SHROOM4: variants seen among roughly 807,000 people sequenced by gnomAD.
The protein encoded by SHROOM4 is shroom family member 4.
A neutral mutation model predicts 80.3 loss-of-function variants in SHROOM4; 17 were observed. The observed-to-expected ratio is 0.21, with a 90% CI of 0.14 to 0.32. The LOEUF is 0.32. Ranked by LOEUF, SHROOM4 falls within the 10% of genes least tolerant of loss-of-function variation. The probability of loss-of-function intolerance (pLI) is 1.00; values close to 1 mark genes in which losing one functional copy is unlikely to be tolerated. For missense variants in SHROOM4, 993 were observed against 1,140.3 expected, an observed-to-expected ratio of 0.87 and a Z score of 1.86; for synonymous variants, 400 against 437.5, an observed-to-expected ratio of 0.91 and a Z score of 1.07.
intron 1 of SHROOM4, among the ~76,000 whole-genome samples, chrX:50,707,323 G>T (rs782487411): frequency 8.9e-6 from 1 of 112,296 alleles, no homozygotes; most frequent in African/African-American, 3.2e-5. Context: ...TATACCTTTT[G>T]TGAGGCTTTT....
At chrX:50,631,035 T>C (rs1276931362) in intron 4 of SHROOM4, among the ~76,000 whole-genome samples, 16 of 103,816 alleles carry the variant, frequency 1.5e-4, no homozygotes, top group Non-Finnish European at 3.1e-4. Flanking sequence ...ACTCATTTTT[T>C]AAGGCTAGCA....
At chrX:50,585,970 CATA>C (rs782346671), downstream of SHROOM4, among the ~76,000 whole-genome samples, 6 of 111,489 alleles carry the variant, frequency 5.4e-5, no homozygotes, top group Non-Finnish European at 7.5e-5. Context: ...GTTCTAAATG[CATA>C]ATATTATCTA....
intron 1 of SHROOM4, among the ~76,000 whole-genome samples, chrX:50,733,060 A>G (rs1260646055): frequency 8.9e-6 from 1 of 112,338 alleles, no homozygotes; most frequent in Non-Finnish European, 1.9e-5. Context: ...AAAGAATTAT[A>G]AAACATGGCA....
chrX:50,677,968 G>A (rs1932875515), intron 2 of SHROOM4, among the ~76,000 whole-genome samples: 1 of 111,277 alleles, frequency 9.0e-6, no homozygotes, highest in Admixed American at 9.6e-5. Flanking sequence ...TCATTCAAAA[G>A]GGGAAAAACA....
chrX:50,747,973 G>A (rs781841734), intron 1 of SHROOM4, among the ~76,000 whole-genome samples: 57 of 111,625 alleles, frequency 5.1e-4, no homozygotes, highest in African/African-American at 1.8e-3. Context: ...TGAATTGAAC[G>A]CAGATCTGGT....
chrX:50,585,750 A>G (rs1928746768), downstream of SHROOM4, among the ~76,000 whole-genome samples: 1 of 111,800 alleles, frequency 8.9e-6, no homozygotes, highest in Admixed American at 9.5e-5. Context: ...GTCCAGGTCT[A>G]AGGGTTTTGA....
At chrX:50,723,337 A>G (rs868937374) in intron 1 of SHROOM4, among the ~76,000 whole-genome samples, 144 of 27,105 alleles carry the variant, frequency 5.3e-3, no homozygotes, top group African/African-American at 0.023. Flanking sequence ...GAGGGGGAGG[A>G]GGGGGAGAGG....
chrX:50,813,182 G>GGCGGCGGCGGCAGCGGCGGCA (rs1342056702), intron 1 of SHROOM4, among the ~76,000 whole-genome samples: 1 of 109,832 alleles, frequency 9.1e-6, no homozygotes, highest in African/African-American at 3.3e-5. Flanking sequence ...CGGCGGCGGC[G>GGCGGCGGCGGCAGCGGCGGCA]GCGGCAGCGG....
At chrX:50,655,343 C>T (rs1178309628) in intron 2 of SHROOM4, among the ~76,000 whole-genome samples, 1 of 109,221 alleles carries the variant, frequency 9.2e-6, no homozygotes, top group Non-Finnish European at 1.9e-5. Context: ...AGCTTTTTTA[C>T]ATTTCACATA....
rs1557260438 is a variant in SHROOM4, at chrX:50,667,591, T to C, written c.269+28195A>G. On this transcript the variant is annotated intron_variant, in intron 2 of 8. Coordinates refer to ENST00000376020, the MANE Select transcript of SHROOM4 (RefSeq NM_020717.5). ...TCTCAGCTGACTGCCTCTGATACCATTCATTAGGAGAAAATATTTGCAAAA... is the reference window on the plus strand; with the variant it reads ...TCTCAGCTGACTGCCTCTGATACCACTCATTAGGAGAAAATATTTGCAAAA... 3.6e-5 allele frequency among the ~76,000 whole-genome samples: 4 copies of C among 111,375 alleles called. No individual in the cohort carries two copies. The South Asian group carries it at 1.5e-3, about 43-fold the overall frequency.
At chrX:50,753,061 C>T (rs1249256560) in intron 1 of SHROOM4, among the ~76,000 whole-genome samples, 8 of 111,788 alleles carry the variant, frequency 7.2e-5, no homozygotes, top group African/African-American at 1.9e-4. Context: ...AACAGGGAAA[C>T]GAGAAATAAT....
chrX:50,757,698 C>G (rs1479511988), intron 1 of SHROOM4, among the ~76,000 whole-genome samples: 1 of 110,175 alleles, frequency 9.1e-6, no homozygotes, highest in East Asian at 2.9e-4. Context: ...TGGCACAGTC[C>G]TGCAGTCCCA....
intron 5 of SHROOM4, among the ~76,000 whole-genome samples, chrX:50,617,696 T>C (rs782039778): frequency 5.3e-5 from 5 of 93,752 alleles, no homozygotes; most frequent in Non-Finnish European, 8.1e-5. Context: ...TCTAGGGACA[T>C]CTGGTGCCCC....
At chrX:50,780,302 T>C (rs1935598375) in intron 1 of SHROOM4, among the ~76,000 whole-genome samples, 1 of 111,612 alleles carries the variant, frequency 9.0e-6, no homozygotes, top group Non-Finnish European at 1.9e-5. Flanking sequence ...CCTCAAAGGA[T>C]GCTGCAGCTG....
At chrX:50,672,344 A>G (rs1336584682) in intron 2 of SHROOM4, among the ~76,000 whole-genome samples, 1 of 112,266 alleles carries the variant, frequency 8.9e-6, no homozygotes, top group East Asian at 2.8e-4. Context: ...ACAAACCTTC[A>G]ATTTGTAAAA....
chrX:50,806,310 T>A (rs1230468724), intron 1 of SHROOM4, among the ~76,000 whole-genome samples: 1 of 112,269 alleles, frequency 8.9e-6, no homozygotes, highest in Admixed American at 9.4e-5. Flanking sequence ...GGGGAGAGGT[T>A]AGAGCTCACT....
chrX:50,747,878 C>T (rs942210656), intron 1 of SHROOM4, among the ~76,000 whole-genome samples: 1 of 111,974 alleles, frequency 8.9e-6, no homozygotes, highest in Non-Finnish European at 1.9e-5. Context: ...GTGCTTAATG[C>T]TTTACAGACA....
intron 1 of SHROOM4, among the ~76,000 whole-genome samples, chrX:50,795,162 T>TG (rs1399115644): frequency 1.5e-5 from 1 of 68,708 alleles, no homozygotes; most frequent in African/African-American, 5.9e-5. Context: ...TATATATATA[T>TG]ATATGATATA....
chrX:50,683,769 T>C (rs1208522933), intron 2 of SHROOM4, among the ~76,000 whole-genome samples: 1 of 110,360 alleles, frequency 9.1e-6, no homozygotes, highest in Non-Finnish European at 1.9e-5. Flanking sequence ...TAGAAAGAAG[T>C]GGTATAAATG....
Sources: allele counts gnomAD v4.1 joint callset (sites outside exome capture counted in the v4.1 genomes callset), GRCh38; gene constraint gnomAD v4.1.1; transcripts MANE v1.5; gene names NCBI Gene and HGNC (gene_info 2026-07-23, HGNC 2026-07-21).